Variants in PTPRB observed in about 807,000 individuals in gnomAD.
PTPRB encodes protein tyrosine phosphatase receptor type B, also known as receptor-type tyrosine-protein phosphatase beta.
PTPRB carries 97 observed loss-of-function variants against 238.1 expected under a neutral mutation model. That is an observed-to-expected ratio of 0.41 (90% CI 0.35 to 0.48). The LOEUF (loss-of-function observed/expected upper bound fraction) is 0.48. Among genes scored for constraint, PTPRB ranks in the 20% least tolerant of loss-of-function variants. The pLI, the probability that PTPRB is intolerant of heterozygous loss-of-function variation, is 0.30. For synonymous variants in PTPRB, 970 were observed against 995.4 expected, an observed-to-expected ratio of 0.97 and a Z score of 0.48; for missense variants, 2,292 against 2,681.9, an observed-to-expected ratio of 0.85 and a Z score of 3.21.
In PTPRB at chr12:70,534,907, C is replaced by CATAGT; in HGVS notation, c.6125_6129dup (p.Gly2044ThrfsTer57). 6.2e-7 allele frequency: 1 copy of CATAGT among 1,613,820 alleles called. No individual in the cohort carries two copies. Among genetic ancestry groups the CATAGT allele is most frequent in the Non-Finnish European group, 8.5e-7 (1 of 1,179,768 alleles). On this transcript the variant is annotated frameshift_variant, in exon 30 of 34. Coordinates refer to ENST00000334414, the MANE Select transcript of PTPRB (RefSeq NM_001109754.4). LOFTEE classifies it high-confidence loss of function. ...GAGAGCATCTGCAGGATGAGGTCCC[C>CATAGT]ATAGTAGAGGGAATCCTGGTCCGCT...
In PTPRB at chr12:70,590,105, G is replaced by A; in HGVS notation, c.1909C>T (p.Leu637=). The change falls in exon 8 of 34, where the codon CTG becomes TTG. Residue 637 remains leucine (L), a synonymous_variant. Transcript: ENST00000334414. ...RILLFNDSVV[L]LNITVGKEET... is the part of the protein sequence containing the mutation. ...TCCTTTCCCACAGTGATGTTGAGCAGCACCACAGAATCATTGAAGAGTAGG... is the reference window on the plus strand; with the variant it reads ...TCCTTTCCCACAGTGATGTTGAGCAACACCACAGAATCATTGAAGAGTAGG... 6.2e-7 allele frequency: 1 copy of A among 1,613,938 alleles called. No individual in the cohort carries two copies. Among genetic ancestry groups the A allele is most frequent in the Non-Finnish European group, 8.5e-7 (1 of 1,179,866 alleles).
intron 2 of PTPRB, among the ~76,000 whole-genome samples, chr12:70,632,599 T>C (rs1592613642): frequency 6.6e-6 from 1 of 150,542 alleles, no homozygotes; most frequent in Non-Finnish European, 1.5e-5. Flanking sequence ...AAGGAATGAG[T>C]GCTTAATGTG....
chr12:70,521,561 T>C, intron 33 of PTPRB, 50 bp from the exon 34 acceptor site: 3 of 1,456,786 alleles, frequency 2.1e-6, no homozygotes, highest in Non-Finnish European at 2.7e-6. Context: ...TGTGTCATAA[T>C]TGTTTACGCT....
chr12:70,573,505 C>CTTTTTTTTT (rs937307862), intron 11 of PTPRB, among the ~76,000 whole-genome samples: 10 of 90,822 alleles, frequency 1.1e-4, no homozygotes, highest in East Asian at 2.4e-4. Context: ...CTTTTCTTTT[C>CTTTTTTTTT]TTTTTTTTTT....
intron 2 of PTPRB, among the ~76,000 whole-genome samples, chr12:70,630,693 A>C (rs113439738): frequency 0.066 from 10,053 of 152,260 alleles, 498 homozygotes; most frequent in East Asian, 0.15. Context: ...TTTGGGCTGA[A>C]ATTTTGGATC....
chr12:70,565,930 G>T (rs1879235749), intron 15 of PTPRB, among the ~76,000 whole-genome samples: 1 of 152,130 alleles, frequency 6.6e-6, no homozygotes, highest in Non-Finnish European at 1.5e-5. Flanking sequence ...AGGGAGGCAG[G>T]AGAGCAGAGA....
intron 15 of PTPRB, among the ~76,000 whole-genome samples, chr12:70,565,237 T>G (rs544214415): frequency 6.6e-6 from 1 of 152,220 alleles, no homozygotes; most frequent in South Asian, 2.1e-4. Context: ...ACAATTACTC[T>G]CTGGCTAAAA....
chr12:70,622,796 T>C, intron 2 of PTPRB, 150 bp from the exon 3 acceptor site: 4 of 913,578 alleles, frequency 4.4e-6, no homozygotes, highest in Non-Finnish European at 6.4e-6. Flanking sequence ...ATACTTTGAG[T>C]GTGTGACAAT....
At chr12:70,537,625 A>T (rs1874374522) in intron 28 of PTPRB, among the ~76,000 whole-genome samples, 1 of 152,220 alleles carries the variant, frequency 6.6e-6, no homozygotes, top group Non-Finnish European at 1.5e-5. Context: ...GGAGGCCCAA[A>T]AAGGTGACAT....
rs1871911575 is a variant in PTPRB at position 70,523,501 on chromosome 12, C to T, written c.6625+970G>A. Among the ~76,000 whole-genome samples, 3 of 152,194 alleles carry T rather than the reference C, an allele frequency of 2.0e-5. No individual in the cohort carries two copies. In the South Asian group the frequency reaches 6.2e-4, roughly 32 times the overall value. On this transcript the variant is annotated intron_variant, in intron 33 of 33. Coordinates refer to ENST00000334414, the MANE Select transcript of PTPRB (RefSeq NM_001109754.4). ...ATACCTTGATTGACAAATTATTTTC[C>T]AAAGGGATTTTACAATTTGAACTAG... is the stretch of plus-strand genomic sequence containing the variant.
chr12:70,564,747 T>C (rs2567130), intron 15 of PTPRB, among the ~76,000 whole-genome samples: 101,537 of 151,016 alleles, frequency 0.67, 35,199 homozygotes, highest in East Asian at 0.88. Flanking sequence ...ATGGGAGGAT[T>C]GTTTGAGCCC....
rs1877616443 is a variant in PTPRB at position 70,556,019 on chromosome 12, A to G, written c.4844T>C (p.Val1615Ala). The change falls in exon 19 of 34, where the codon GTT (valine) becomes GCT (alanine). Residue 1615 changes from valine to alanine, a missense_variant. By Grantham distance (64) the Val-to-Ala change is moderately conservative. Around this residue, in one of 4 missense-constraint regions of PTPRB, gnomAD observed 683 missense variants for 862.0 expected, o/e 0.79. Coordinates refer to ENST00000334414, the MANE Select transcript of PTPRB (RefSeq NM_001109754.4). ...TTTCTCCAGCTTTCTGGAAAACTCA[A>G]CTTCTTGGGTGTCCATTTTCCGGCA... is the stretch of plus-strand genomic sequence containing the variant. ...IECRKMDTQE[V>A]EFSRKLEKEK... 2.5e-6 allele frequency: 4 copies of G among 1,613,838 alleles called. No individual in the cohort carries two copies. Among genetic ancestry groups the G allele is most frequent in the Non-Finnish European group, 3.4e-6 (4 of 1,179,892 alleles).
chr12:70,601,790 CTTT>C (rs200227553), intron 4 of PTPRB, among the ~76,000 whole-genome samples: 5 of 127,540 alleles, frequency 3.9e-5, no homozygotes, highest in South Asian at 2.5e-4. Context: ...TTTCTTTTTT[CTTT>C]TTTTTTTTTT....
chr12:70,527,316 A>G (rs957000803), intron 32 of PTPRB, among the ~76,000 whole-genome samples: 1 of 152,214 alleles, frequency 6.6e-6, no homozygotes, highest in Non-Finnish European at 1.5e-5. Flanking sequence ...CTAAAGAGAA[A>G]AGGTGATATT....
intron 16 of PTPRB, among the ~76,000 whole-genome samples, chr12:70,561,734 A>G (rs758754636): frequency 1.3e-5 from 2 of 152,112 alleles, no homozygotes; most frequent in Admixed American, 6.6e-5. Context: ...GCCTTCTCCT[A>G]TCTAAAGCAG....
At chr12:70,622,021 T>G (rs954866687) in intron 3 of PTPRB, among the ~76,000 whole-genome samples, 2 of 152,204 alleles carry the variant, frequency 1.3e-5, no homozygotes, top group African/African-American at 4.8e-5. Context: ...CTCCCTTCCT[T>G]TGGAGCATAA....
chr12:70,531,254 C>T (rs1873192912), intron 32 of PTPRB, among the ~76,000 whole-genome samples: 1 of 151,992 alleles, frequency 6.6e-6, no homozygotes, highest in Non-Finnish European at 1.5e-5. Flanking sequence ...GGTACTGTGG[C>T]TCTAAGAGGG....
At chr12:70,553,110 A>C (rs1214641035) in intron 20 of PTPRB, 90 bp from the exon 21 acceptor site, 8 of 1,420,554 alleles carry the variant, frequency 5.6e-6, no homozygotes, top group Admixed American at 2.1e-5. Flanking sequence ...GGCTGCCTCC[A>C]CATCCACTAT....
intron 28 of PTPRB, among the ~76,000 whole-genome samples, chr12:70,537,702 C>T (rs761021183): frequency 1.3e-5 from 2 of 152,116 alleles, no homozygotes; most frequent in African/African-American, 2.4e-5. Flanking sequence ...TTGTTTGACC[C>T]GAAAGCTTTT....
Sources: gnomAD v4.1 joint callset for allele counts (sites outside exome capture counted in the v4.1 genomes callset) on GRCh38, gnomAD v4.1.1 for gene constraint, gnomAD v4.1.1 regional missense constraint, MANE v1.5 for transcripts, NCBI Gene and HGNC (gene_info 2026-07-23, HGNC 2026-07-21) for gene names.